The following SVIL variants were observed in gnomAD, a reference collection of about 807,000 sequenced individuals.
The protein encoded by SVIL is supervillin.
SVIL carries 101 observed loss-of-function variants against 240.4 expected under a neutral mutation model. The ratio of observed to expected loss-of-function variants is 0.42; its 90% CI spans 0.36 to 0.50. SVIL has a LOEUF of 0.50. SVIL is among the 20% of genes least tolerant of loss of function. SVIL has a pLI of 0.01. For missense variants in SVIL, 2,512 were observed against 2,818.7 expected, an observed-to-expected ratio of 0.89 and a Z score of 2.46; for synonymous variants, 999 against 1,100.0, an observed-to-expected ratio of 0.91 and a Z score of 1.82.
chr10:29,707,436 T>C (rs1962968093), intron 1 of SVIL, among the ~76,000 whole-genome samples: 1 of 152,226 alleles, frequency 6.6e-6, no homozygotes, highest in Admixed American at 6.5e-5. Flanking sequence ...TTTGGCTCTC[T>C]GCTTGTCTAT....
chr10:29,647,976 A>C (rs895403891), intron 3 of SVIL, among the ~76,000 whole-genome samples: 2 of 151,034 alleles, frequency 1.3e-5, no homozygotes, highest in Non-Finnish European at 2.9e-5. Flanking sequence ...AATATCAAAA[A>C]AAAAAAAAAC....
chr10:29,582,296 T>A (rs377429322), intron 1 of SVIL, among the ~76,000 whole-genome samples: 1 of 152,206 alleles, frequency 6.6e-6, no homozygotes. Flanking sequence ...TGCAGGCACA[T>A]GCTGAGCACC....
intron 1 of SVIL, among the ~76,000 whole-genome samples, chr10:29,694,568 T>C (rs1589527016): frequency 1.3e-5 from 2 of 152,116 alleles, no homozygotes; most frequent in Admixed American, 1.3e-4. Context: ...CAAGTGATTC[T>C]CCTGCCTCAG....
rs1289461062 is a variant in SVIL, at chr10:29,467,622, G to A, written c.5977+120C>T. ...GCAGGCTGATCACTTGAGCCCAGGA[G>A]GTTGAAGCTGCAGTGAGCTGTGATC... is the stretch of plus-strand genomic sequence containing the variant. On this transcript the variant is annotated intron_variant, in intron 33 of 37. Coordinates refer to ENST00000355867, the MANE Select transcript of SVIL (RefSeq NM_021738.3). The A allele has an allele frequency of 4.5e-6, 6 of 1,324,456 alleles. No homozygotes were observed. The African/African-American group carries it at 7.3e-5, about 16-fold the overall frequency. 82.0% of individuals were successfully genotyped at this position (1,324,456 alleles called of 1,614,324 possible).
chr10:29,564,490 A>G (rs1281271821), intron 2 of SVIL, among the ~76,000 whole-genome samples: 1 of 150,694 alleles, frequency 6.6e-6, no homozygotes, highest in Non-Finnish European at 1.5e-5. Flanking sequence ...CCAGAGGGGG[A>G]AAAGATGGGC....
At chr10:29,684,333 C>T (rs562320224) in intron 2 of SVIL, among the ~76,000 whole-genome samples, 93 of 152,194 alleles carry the variant, frequency 6.1e-4, no homozygotes, top group African/African-American at 2.1e-3. Context: ...AGAACATGTA[C>T]CCAAGGCGGT....
At chr10:29,517,281 C>T (rs1250581264) in intron 16 of SVIL, among the ~76,000 whole-genome samples, 3 of 152,018 alleles carry the variant, frequency 2.0e-5, no homozygotes, top group Non-Finnish European at 4.4e-5. Context: ...AAAAAGCCAG[C>T]TGAGCATGGT....
intron 16 of SVIL, among the ~76,000 whole-genome samples, chr10:29,514,339 C>T (rs181083729): frequency 3.3e-4 from 51 of 152,290 alleles, no homozygotes; most frequent in African/African-American, 9.9e-4. Context: ...TGGGCTCAAG[C>T]GACAATCCTG....
intron 36 of SVIL, 47 bp downstream of exon 36, chr10:29,462,230 C>G: frequency 6.3e-7 from 1 of 1,585,944 alleles, no homozygotes; most frequent in Non-Finnish European, 8.6e-7. Flanking sequence ...AACCCACAAT[C>G]CAAAAGGCGC....
chr10:29,727,463 G>A (rs927267715), intron 1 of SVIL, among the ~76,000 whole-genome samples: 6 of 151,838 alleles, frequency 4.0e-5, no homozygotes, highest in Admixed American at 1.3e-4. Context: ...AATGTTGTCC[G>A]GGCTGGACTC....
intron 29 of SVIL, among the ~76,000 whole-genome samples, chr10:29,480,102 C>T (rs929495871): frequency 3.9e-5 from 6 of 152,276 alleles, no homozygotes; most frequent in South Asian, 2.1e-4. Flanking sequence ...ATCTTCTGTG[C>T]GTGTATTTAC....
chr10:29,700,662 G>A (rs1305191508), intron 1 of SVIL, among the ~76,000 whole-genome samples: 3 of 151,872 alleles, frequency 2.0e-5, no homozygotes, highest in African/African-American at 7.3e-5. Context: ...AGTAGAGACG[G>A]GGTTTCACCA....
rs749301357 is a variant in SVIL at position 29,480,717 on chromosome 10, C to T, written c.5197G>A (p.Gly1733Ser). Reference protein sequence around the residue: ...AGTILDGVNVGRGYGLVEGHD... With the variant: ...AGTILDGVNVSRGYGLVEGHD... ...CCTTCCACCAGGCCATAGCCACGGC[C>T]GACGTTCACTCCGTCCAGGATGGTG... The change falls in exon 29 of 38, where the codon GGC becomes AGC. Residue 1733 changes from glycine to serine, a missense_variant. Around this residue, in one of 3 missense-constraint regions of SVIL, gnomAD observed 797 missense variants for 925.3 expected, o/e 0.86. Transcript: ENST00000355867. The T allele has an allele frequency of 6.2e-6, 10 of 1,614,008 alleles. No homozygotes were observed. The East Asian group carries it at 6.7e-5, about 11-fold the overall frequency.
At position 29,484,908 on chromosome 10, in the gene SVIL, G is replaced by C. The variant is rs1157376578; in HGVS notation, c.4780-77C>G. On this transcript the variant is annotated intron_variant, in intron 26 of 37. Coordinates refer to ENST00000355867, the MANE Select transcript of SVIL (RefSeq NM_021738.3). This position sits in a 1 kb window ranked among gnomAD's most constrained non-coding sequence, Gnocchi z 4.7. Reference sequence around the variant, plus strand: ...TGAATCAGGTGCAACAGGGTCTCTTGTTGACAGTGAGTCAAACGGAGGAAG... The same window carrying C: ...TGAATCAGGTGCAACAGGGTCTCTTCTTGACAGTGAGTCAAACGGAGGAAG... 6.9e-7 allele frequency: 1 copy of C among 1,446,264 alleles called. No individual in the cohort carries two copies. The highest frequency in any genetic ancestry group is 9.4e-7 in the Non-Finnish European group (1 of 1,069,370). The allele number at this position is 1,446,264 out of a possible 1,614,324, so 89.6% of individuals were successfully genotyped here.
chr10:29,655,053 G>A (rs1958955096), intron 3 of SVIL, among the ~76,000 whole-genome samples: 1 of 152,168 alleles, frequency 6.6e-6, no homozygotes, highest in South Asian at 2.1e-4. Flanking sequence ...GAAATAATGT[G>A]TTATTAGCTA....
intron 1 of SVIL, among the ~76,000 whole-genome samples, chr10:29,731,624 C>T (rs1964627062): frequency 2.0e-5 from 3 of 152,006 alleles, no homozygotes; most frequent in African/African-American, 7.2e-5. Context: ...TATGGAAAAA[C>T]TATACATGCC....
intron 1 of SVIL, among the ~76,000 whole-genome samples, chr10:29,729,493 G>C (rs1033749603): frequency 8.1e-6 from 1 of 123,390 alleles, no homozygotes; most frequent in Non-Finnish European, 1.8e-5. Flanking sequence ...GTGTGTGTGT[G>C]TGTATGTATG....
chr10:29,509,192 A>G (rs901021889), intron 17 of SVIL, among the ~76,000 whole-genome samples: 19 of 152,122 alleles, frequency 1.2e-4, no homozygotes, highest in Non-Finnish European at 2.6e-4. Context: ...CCAAGTATAT[A>G]TGCTACGAGA....
At chr10:29,603,294 T>A (rs1956885421) in intron 1 of SVIL, among the ~76,000 whole-genome samples, 1 of 151,940 alleles carries the variant, frequency 6.6e-6, no homozygotes, top group African/African-American at 2.4e-5. Context: ...CCTTTCTTCT[T>A]TATAAAGAAG....
Sources: allele counts gnomAD v4.1 joint callset (sites outside exome capture counted in the v4.1 genomes callset), GRCh38; gene constraint gnomAD v4.1.1; regional missense constraint gnomAD v4.1.1; non-coding constraint Gnocchi (gnomAD v3.1); transcripts MANE v1.5; gene names NCBI Gene and HGNC (gene_info 2026-07-23, HGNC 2026-07-21).